The following ZNF385B variants were observed in gnomAD, a reference collection of about 807,000 sequenced individuals.
The protein encoded by ZNF385B is zinc finger protein 533.
Under a neutral mutation model 39.2 loss-of-function variants are expected in ZNF385B, and 23 were observed. That is an observed-to-expected ratio of 0.59 (90% CI 0.42 to 0.83). The LOEUF is 0.83. Among genes scored for constraint, ZNF385B ranks in the 40% least tolerant of loss-of-function variants. The pLI is 0.00. For synonymous variants in ZNF385B, 205 were observed against 222.6 expected (o/e 0.92, Z 0.70); for missense variants, 552 against 598.9 (o/e 0.92, Z 0.82).
intron 1 of ZNF385B, among the ~76,000 whole-genome samples, chr2:179,800,664 G>T (rs1311732616): frequency 1.3e-5 from 2 of 152,052 alleles, no homozygotes; most frequent in Non-Finnish European, 2.9e-5. Context: ...AACACTCACT[G>T]GGGGAGGAAG....
chr2:179,600,456 A>G (rs889763458), intron 3 of ZNF385B, among the ~76,000 whole-genome samples: 4 of 152,342 alleles, frequency 2.6e-5, no homozygotes, highest in African/African-American at 9.6e-5. Context: ...CAAGTCAACA[A>G]GGAAATCTAA....
intron 3 of ZNF385B, among the ~76,000 whole-genome samples, chr2:179,724,510 T>C (rs1700884593): frequency 6.6e-6 from 1 of 152,134 alleles, no homozygotes; most frequent in East Asian, 1.9e-4. Flanking sequence ...CACTCTATAA[T>C]TTACCCTATT....
intron 5 of ZNF385B, among the ~76,000 whole-genome samples, chr2:179,510,386 C>T (rs1261929387): frequency 1.3e-5 from 2 of 151,578 alleles, no homozygotes; most frequent in Non-Finnish European, 2.9e-5. Context: ...TGTGTGTGTA[C>T]ATAGGTGAAT....
intron 3 of ZNF385B, among the ~76,000 whole-genome samples, chr2:179,746,573 G>A (rs986984036): frequency 6.6e-6 from 1 of 152,028 alleles, no homozygotes; most frequent in Non-Finnish European, 1.5e-5. Flanking sequence ...ATAAACAATA[G>A]AGATTTAAAT....
intron 1 of ZNF385B, among the ~76,000 whole-genome samples, chr2:179,842,203 T>C (rs1351519807): frequency 6.6e-6 from 1 of 152,212 alleles, no homozygotes; most frequent in Admixed American, 6.5e-5. Context: ...CCCCTGGGAT[T>C]AGTTCCAAGT....
intron 3 of ZNF385B, among the ~76,000 whole-genome samples, chr2:179,696,325 A>AATTTTTTT (rs1333224792): frequency 2.0e-4 from 2 of 9,846 alleles, no homozygotes; most frequent in Non-Finnish European, 5.3e-4. Flanking sequence ...ACAAACTGGG[A>AATTTTTTT]CTTTTTTTTT....
At chr2:179,795,115 T>C (rs1012443012) in intron 1 of ZNF385B, among the ~76,000 whole-genome samples, 10 of 151,856 alleles carry the variant, frequency 6.6e-5, no homozygotes, top group South Asian at 4.2e-4. Flanking sequence ...TTTGAAGATA[T>C]AATACAAAGA....
At chr2:179,459,588 A>AGTGTGT (rs3053314) in intron 6 of ZNF385B, among the ~76,000 whole-genome samples, 1,847 of 146,008 alleles carry the variant, frequency 0.013, 27 homozygotes, top group East Asian at 0.036. Flanking sequence ...AGAGAAAATA[A>AGTGTGT]GTGTGTGTGT....
In ZNF385B at chr2:179,479,846, T is replaced by A. The variant is rs187274344; in HGVS notation, c.715+3426A>T. ...AGAGCGAGACTCTGTCTCAAAAAAA[T>A]AAATAAATAAATAAAAAAGTTCATC... is the stretch of plus-strand genomic sequence containing the variant. On this transcript the variant is annotated intron_variant, in intron 6 of 9. Coordinates refer to ENST00000410066, the MANE Select transcript of ZNF385B (RefSeq NM_152520.6). Among the ~76,000 whole-genome samples the A allele has an allele frequency of 1.1e-3, 166 of 151,872 alleles. 1 individual carries two copies. The highest frequency in any genetic ancestry group is 3.4e-3 in the Middle Eastern group (1 of 294).
At chr2:179,604,664 A>G (rs1368222290) in intron 3 of ZNF385B, among the ~76,000 whole-genome samples, 1 of 151,940 alleles carries the variant, frequency 6.6e-6, no homozygotes, top group Non-Finnish European at 1.5e-5. Context: ...ATATTTATAA[A>G]CTGTATTACA....
At chr2:179,699,043 A>C (rs994094547) in intron 3 of ZNF385B, among the ~76,000 whole-genome samples, 6 of 152,094 alleles carry the variant, frequency 3.9e-5, no homozygotes, top group African/African-American at 1.4e-4. Context: ...CATTTCAAGG[A>C]AAATGATATT....
chr2:179,796,932 C>A (rs1404845980), intron 1 of ZNF385B, among the ~76,000 whole-genome samples: 1 of 152,090 alleles, frequency 6.6e-6, no homozygotes. Flanking sequence ...AGAATTTCTT[C>A]ACAGGATTCT....
intron 5 of ZNF385B, among the ~76,000 whole-genome samples, chr2:179,486,897 C>T (rs972401853): frequency 6.6e-6 from 1 of 151,996 alleles, no homozygotes; most frequent in African/African-American, 2.4e-5. Flanking sequence ...GCCCGGGCAA[C>T]AGAATGAGAC....
chr2:179,625,759 T>C lies in ZNF385B; in HGVS notation c.299-80790A>G, dbSNP rs184242390. On this transcript the variant is annotated intron_variant, in intron 3 of 9. Transcript: ENST00000410066. ...ACTATGTTATACTAAATTATGTATG[T>C]GTATATAAATTACATATATATCTAC... Among the ~76,000 whole-genome samples, 135 of 152,286 alleles carry C rather than the reference T, an allele frequency of 8.9e-4. 1 individual carries two copies. Among genetic ancestry groups the C allele is most frequent in the Non-Finnish European group, 1.7e-3 (117 of 68,006 alleles).
chr2:179,821,347 TG>T (rs1707384089), intron 1 of ZNF385B, among the ~76,000 whole-genome samples: 3 of 152,304 alleles, frequency 2.0e-5, no homozygotes, highest in Admixed American at 2.0e-4. Context: ...CCATTAAAAA[TG>T]TCCTCTCAGA....
At chr2:179,652,041 A>C (rs921047762) in intron 3 of ZNF385B, among the ~76,000 whole-genome samples, 5 of 152,184 alleles carry the variant, frequency 3.3e-5, no homozygotes, top group Non-Finnish European at 7.4e-5. Context: ...ATTAAAAAAC[A>C]GAACTGAGCT....
rs180744330 is a variant in ZNF385B at position 179,680,412 on chromosome 2, A to G, written c.298+89091T>C. ...TATTGTATAATTCCATTTATATAAAAGTCAAGAAAAGGCAACCCTACATTA... is the reference window on the plus strand; with the variant it reads ...TATTGTATAATTCCATTTATATAAAGGTCAAGAAAAGGCAACCCTACATTA... On this transcript the variant is annotated intron_variant, in intron 3 of 9. Transcript: ENST00000410066. Among the ~76,000 whole-genome samples, 309 of 152,294 alleles carry G rather than the reference A, an allele frequency of 2.0e-3. 2 individuals are homozygous for G. The highest frequency in any genetic ancestry group is 7.2e-3 in the African/African-American group (300 of 41,600).
intron 3 of ZNF385B, among the ~76,000 whole-genome samples, chr2:179,587,066 T>A (rs1292186873): frequency 6.6e-6 from 1 of 150,672 alleles, no homozygotes; most frequent in Admixed American, 6.6e-5. Flanking sequence ...AAATTATGTA[T>A]AATTTTACTT....
intron 3 of ZNF385B, among the ~76,000 whole-genome samples, chr2:179,711,965 C>A (rs920233770): frequency 6.7e-6 from 1 of 149,522 alleles, no homozygotes; most frequent in East Asian, 2.0e-4. Flanking sequence ...TATGTAAGTC[C>A]CCTCGATAAA....
Sources: allele counts gnomAD v4.1 joint callset (sites outside exome capture counted in the v4.1 genomes callset), GRCh38; gene constraint gnomAD v4.1.1; transcripts MANE v1.5; gene names NCBI Gene and HGNC (gene_info 2026-07-23, HGNC 2026-07-21).